GALNT2: variants seen among roughly 807,000 people sequenced by gnomAD.
The protein encoded by GALNT2 is polypeptide N-acetylgalactosaminyltransferase 2.
A neutral mutation model predicts 81.4 loss-of-function variants in GALNT2; 31 were observed. The ratio of observed to expected loss-of-function variants is 0.38; its 90% CI spans 0.29 to 0.51. The LOEUF is 0.51. Ranked by LOEUF, GALNT2 falls within the 20% of genes least tolerant of loss-of-function variation. The probability of loss-of-function intolerance (pLI) is 0.87; values close to 1 mark genes in which losing one functional copy is unlikely to be tolerated. For synonymous variants in GALNT2, 303 were observed against 287.4 expected (o/e 1.05, Z -0.55); for missense variants, 629 against 765.7 (o/e 0.82, Z 2.11).
At chr1:230,236,183 A>G (rs1283054630) in intron 4 of GALNT2, 71 bp downstream of exon 4, 3 of 1,496,464 alleles carry the variant, frequency 2.0e-6, no homozygotes, top group East Asian at 4.6e-5. Context: ...CAGTCAGACC[A>G]GGGCTGTCAG....
At chr1:230,119,894 C>T (rs962859483) in intron 1 of GALNT2, among the ~76,000 whole-genome samples, 1 of 152,106 alleles carries the variant, frequency 6.6e-6, no homozygotes, top group Non-Finnish European at 1.5e-5. Flanking sequence ...ATCCCATTGG[C>T]GTGATTGTCA....
chr1:230,160,858 C>T (rs1662410819), intron 1 of GALNT2, among the ~76,000 whole-genome samples: 1 of 151,212 alleles, frequency 6.6e-6, no homozygotes, highest in Non-Finnish European at 1.5e-5. Flanking sequence ...ATATAATACC[C>T]CAAATAGGGT....
chr1:230,281,800 T>A lies in GALNT2; in HGVS notation c.*2342T>A, dbSNP rs913421458. The A allele has an allele frequency of 6.6e-6, 1 of 152,604 alleles. No individual in the cohort carries two copies. Among genetic ancestry groups the A allele is most frequent in the African/African-American group, 2.4e-5 (1 of 41,452 alleles). 9.5% of individuals were successfully genotyped at this position (152,604 alleles called of 1,614,324 possible). On this transcript the variant is annotated 3_prime_UTR_variant, in exon 16 of 16. Transcript: ENST00000366672. ...GTGTGCCAAAGTGACTTACTGCGGT[T>A]GCGTTAGTTTTTAATCATCAGGACT...
chr1:230,156,429 G>A (rs929795815), intron 1 of GALNT2, among the ~76,000 whole-genome samples: 28 of 152,202 alleles, frequency 1.8e-4, no homozygotes, highest in African/African-American at 6.7e-4. Flanking sequence ...CTTGTCCTTG[G>A]TAGGATATAT....
chr1:230,177,919 C>A (rs1663036138), intron 1 of GALNT2, among the ~76,000 whole-genome samples: 1 of 152,232 alleles, frequency 6.6e-6, no homozygotes, highest in South Asian at 2.1e-4. Flanking sequence ...CCTCACAAAT[C>A]CCCAAAGCCC....
rs1290953174 is a variant in GALNT2 at position 230,274,577 on chromosome 1, G to A, written c.1560+13G>A. ...TGACAGCAGACAGGTACGGCTTGCA[G>A]GCACCCGTGGGTGCCCGTGATTAAC... On this transcript the variant is annotated intron_variant, in intron 15 of 15. Transcript: ENST00000366672. 2.5e-6 allele frequency: 4 copies of A among 1,613,098 alleles called. No homozygotes were observed. Among genetic ancestry groups the A allele is most frequent in the Non-Finnish European group, 3.4e-6 (4 of 1,179,678 alleles).
At chr1:230,259,883 AC>A (rs1359723322) in intron 11 of GALNT2, 1 of 152,202 alleles carries the variant, frequency 6.6e-6, no homozygotes, top group African/African-American at 2.4e-5. Flanking sequence ...GCAGTCTGGT[AC>A]CCAGACAAAA....
chr1:230,185,312 G>A (rs1021574693), intron 2 of GALNT2, among the ~76,000 whole-genome samples: 1 of 148,398 alleles, frequency 6.7e-6, no homozygotes, highest in African/African-American at 2.5e-5. Flanking sequence ...GCGCGCGTGT[G>A]TGTGTGTGTT....
intron 1 of GALNT2, among the ~76,000 whole-genome samples, chr1:230,076,031 T>G (rs760691320): frequency 1.3e-5 from 2 of 152,026 alleles, no homozygotes; most frequent in Non-Finnish European, 2.9e-5. Flanking sequence ...AGTGGTGGAG[T>G]TTCCCTCCAT....
At chr1:230,086,652 A>G (rs1206469711) in intron 1 of GALNT2, among the ~76,000 whole-genome samples, 1 of 152,112 alleles carries the variant, frequency 6.6e-6, no homozygotes, top group Non-Finnish European at 1.5e-5. Context: ...ACCCCTGCTC[A>G]GGACATAACT....
Position 230,267,880 on chromosome 1 carries a change from C to T in GALNT2, c.1440+2513C>T, listed in dbSNP as rs969905575. On this transcript the variant is annotated intron_variant, in intron 14 of 15. Transcript: ENST00000366672. ...TGTGTTCTCAGTCACTGCTGGGAAG[C>T]GGGGGGCCCAGGGGACTCACTCAGA... Among the ~76,000 whole-genome samples the T allele has an allele frequency of 2.3e-4, 35 of 152,146 alleles. 1 individual carries two copies. Among genetic ancestry groups the T allele is most frequent in the African/African-American group, 7.5e-4 (31 of 41,414 alleles).
intron 3 of GALNT2, among the ~76,000 whole-genome samples, chr1:230,228,140 A>G (rs1480651151): frequency 2.0e-5 from 3 of 152,206 alleles, no homozygotes; most frequent in Admixed American, 2.0e-4. Flanking sequence ...AATGCAACCA[A>G]AGATGTGCAA....
chr1:230,272,740 GGGTTTGGTTT>G (rs569691493), intron 14 of GALNT2, among the ~76,000 whole-genome samples: 2 of 152,076 alleles, frequency 1.3e-5, no homozygotes, highest in Non-Finnish European at 2.9e-5. Context: ...AGAATCTTTA[GGGTTTGGTTT>G]GGTTTGGTTT....
At chr1:230,160,829 T>C (rs931739308) in intron 1 of GALNT2, among the ~76,000 whole-genome samples, 2 of 152,330 alleles carry the variant, frequency 1.3e-5, no homozygotes, top group Non-Finnish European at 2.9e-5. Flanking sequence ...TAGACCCTTT[T>C]TCTGTGTTAC....
chr1:230,195,110 C>T (rs982793292), intron 2 of GALNT2, among the ~76,000 whole-genome samples: 2 of 152,232 alleles, frequency 1.3e-5, no homozygotes, highest in African/African-American at 4.8e-5. Context: ...TTTTAAACGG[C>T]TTTCAGTGAA....
chr1:230,245,202 G>A (rs915459609), intron 7 of GALNT2, among the ~76,000 whole-genome samples: 8 of 151,860 alleles, frequency 5.3e-5, no homozygotes, highest in East Asian at 1.9e-4. Context: ...AGTGGCTCAC[G>A]CCTGTAATCC....
chr1:230,244,625 C>T (rs571618386), intron 7 of GALNT2, among the ~76,000 whole-genome samples: 203 of 152,278 alleles, frequency 1.3e-3, no homozygotes, highest in Non-Finnish European at 2.6e-3. Flanking sequence ...AGAACTGCTT[C>T]GAACGCCTGC....
At chr1:230,238,022 G>A (rs1197647837) in intron 6 of GALNT2, among the ~76,000 whole-genome samples, 2 of 152,174 alleles carry the variant, frequency 1.3e-5, no homozygotes, top group South Asian at 2.1e-4. Context: ...GTGCTGATAC[G>A]TTGTTTCGGG....
rs1665512803 is a variant in GALNT2, at chr1:230,250,543, G to A, written c.992G>A (p.Trp331Ter). ...LGKYDMMMDVWGGENLEISFR... is the reference protein window; with the variant it reads ...LGKYDMMMDV ...AAGTACGACATGATGATGGATGTGTGGGGAGGAGAGAACCTAGGTATGTAC... is the reference window on the plus strand; with the variant it reads ...AAGTACGACATGATGATGGATGTGTAGGGAGGAGAGAACCTAGGTATGTAC... The change falls in exon 10 of 16, where the codon TGG (tryptophan) becomes TAG (stop). Residue 331 changes from tryptophan to a stop codon, truncating the protein, a stop_gained. Transcript: ENST00000366672. LOFTEE classifies it high-confidence loss of function. 6.2e-7 allele frequency: 1 copy of A among 1,612,246 alleles called. No homozygotes were observed. The highest frequency in any genetic ancestry group is 1.3e-5 in the African/African-American group (1 of 74,860).
Sources: gnomAD v4.1 joint callset for allele counts (sites outside exome capture counted in the v4.1 genomes callset) on GRCh38, gnomAD v4.1.1 for gene constraint, MANE v1.5 for transcripts, NCBI Gene and HGNC (gene_info 2026-07-23, HGNC 2026-07-21) for gene names.